The following CHD9 variants were observed in gnomAD, a reference collection of about 807,000 sequenced individuals.
CHD9 encodes the protein ATP-dependent chromatin remodeler CHD9.
Under a neutral mutation model 316.1 loss-of-function variants are expected in CHD9, and 77 were observed. The observed-to-expected ratio is 0.24, with a 90% CI of 0.20 to 0.29. The LOEUF is 0.29. Among genes scored for constraint, CHD9 ranks in the 10% least tolerant of loss-of-function variants. The pLI is 1.00. For synonymous variants in CHD9, 1,129 were observed against 1,158.3 expected (o/e 0.97, Z 0.51); for missense variants, 2,763 against 3,438.1 (o/e 0.80, Z 4.91).
chr16:53,066,880 C>CA (rs943018440), intron 1 of CHD9, among the ~76,000 whole-genome samples: 5 of 151,126 alleles, frequency 3.3e-5, no homozygotes, highest in East Asian at 1.9e-4. Flanking sequence ...TTTAGATTTA[C>CA]AAAAAAAAAT....
chr16:53,069,845 T>A (rs960896038), intron 1 of CHD9, among the ~76,000 whole-genome samples: 5 of 152,202 alleles, frequency 3.3e-5, no homozygotes, highest in Admixed American at 1.3e-4. Context: ...CCATTTTACA[T>A]CCCACCAACA....
chr16:53,300,145 A>T (rs2055222677), intron 30 of CHD9, among the ~76,000 whole-genome samples: 1 of 152,148 alleles, frequency 6.6e-6, no homozygotes, highest in South Asian at 2.1e-4. Flanking sequence ...CAAGGTCAGG[A>T]GTTCGAGACC....
At chr16:53,167,490 C>T (rs1215264790) in intron 2 of CHD9, among the ~76,000 whole-genome samples, 2 of 152,006 alleles carry the variant, frequency 1.3e-5, no homozygotes, top group Non-Finnish European at 2.9e-5. Context: ...GATTCATTTC[C>T]AGTTGACAGT....
intron 1 of CHD9, among the ~76,000 whole-genome samples, chr16:53,148,497 T>G (rs2040824924): frequency 6.6e-6 from 1 of 152,234 alleles, no homozygotes; most frequent in African/African-American, 2.4e-5. Context: ...TCCAATTTCT[T>G]CACATCTTCT....
chr16:53,065,193 T>C (rs146020340), intron 1 of CHD9, among the ~76,000 whole-genome samples: 238 of 152,280 alleles, frequency 1.6e-3, no homozygotes, highest in African/African-American at 5.3e-3. Context: ...ACCTAAGATA[T>C]TTGTACCCTC....
rs2041512344 is a variant in CHD9, at chr16:53,156,231, T to C, written c.142T>C (p.Leu48=). The stretch of plus-strand genomic sequence containing the variant: ...GAATTTGGGTGCAGAATTTGAACCG[T>C]TGCACATAGATTCACTGAACCATGT... ...ELNLGAEFEP[L]HIDSLNHVQG... The change falls in exon 2 of 39, where the codon TTG becomes CTG. Residue 48 remains leucine, a synonymous_variant. Coordinates refer to ENST00000447540, the MANE Select transcript of CHD9 (RefSeq NM_001308319.2). The C allele has an allele frequency of 6.2e-7, 1 of 1,613,994 alleles. No homozygotes were observed. The highest frequency in any genetic ancestry group is 8.5e-7 in the Non-Finnish European group (1 of 1,179,884).
At chr16:53,116,459 G>A (rs1597038784) in intron 1 of CHD9, among the ~76,000 whole-genome samples, 1 of 152,224 alleles carries the variant, frequency 6.6e-6, no homozygotes, top group East Asian at 1.9e-4. Flanking sequence ...CCAGGAGCCA[G>A]GATAAGGTGT....
At chr16:53,174,825 G>T (rs1034661879) in intron 2 of CHD9, among the ~76,000 whole-genome samples, 5 of 152,076 alleles carry the variant, frequency 3.3e-5, no homozygotes, top group Admixed American at 3.3e-4. Context: ...GCCCGGGCTT[G>T]TTTTGAACTC....
intron 1 of CHD9, among the ~76,000 whole-genome samples, chr16:53,154,731 A>G (rs1011584577): frequency 1.3e-5 from 2 of 152,206 alleles, no homozygotes; most frequent in African/African-American, 2.4e-5. Flanking sequence ...GAGCTCAGGC[A>G]GTAATGCTGG....
chr16:53,143,401 T>C (rs1368532484), intron 1 of CHD9, among the ~76,000 whole-genome samples: 1 of 144,412 alleles, frequency 6.9e-6, no homozygotes. Context: ...TTTATTTATT[T>C]ATCTGAGGCA....
chr16:53,306,558 A>G (rs986022079), intron 32 of CHD9, among the ~76,000 whole-genome samples, 161 bp downstream of exon 32: 4 of 152,214 alleles, frequency 2.6e-5, no homozygotes, highest in Admixed American at 6.5e-5. Context: ...TATCAAGTAA[A>G]TAGTTCTGCT....
Position 53,226,400 on chromosome 16 carries a change from A to G in CHD9, c.1931A>G (p.Lys644Arg), listed in dbSNP as rs760246838. The G allele has an allele frequency of 6.3e-7, 1 of 1,580,884 alleles. No homozygotes were observed. Among genetic ancestry groups the G allele is most frequent in the Admixed American group, 1.9e-5 (1 of 51,310 alleles). ...TCAAATCGACAAATTAAAAGAAAAA[A>G]ATACGCAGAAGATATAGAAGGGAAG... ...RRSNRQIKRK[K>R]YAEDIEGKQS... The change falls in exon 5 of 39, where the codon AAA becomes AGA. Residue 644 changes from lysine (K) to arginine (R), a missense_variant. By Grantham distance (26) the Lys-to-Arg change is conservative. Around this residue, in one of 15 missense-constraint regions of CHD9, gnomAD observed 859 missense variants for 890.4 expected, o/e 0.96. Coordinates refer to ENST00000447540, the MANE Select transcript of CHD9 (RefSeq NM_001308319.2).
chr16:53,292,286 A>G (rs1367604562), intron 28 of CHD9, among the ~76,000 whole-genome samples: 2 of 152,346 alleles, frequency 1.3e-5, no homozygotes, highest in Middle Eastern at 3.4e-3. Context: ...TTTAGTATGA[A>G]TGACTACAGC....
At chr16:53,109,673 G>GTTT (rs1472499524) in intron 1 of CHD9, among the ~76,000 whole-genome samples, 5 of 82,966 alleles carry the variant, frequency 6.0e-5, no homozygotes, top group African/African-American at 1.5e-4. Context: ...TGGATTCCCA[G>GTTT]TTTCTTTTTT....
intron 30 of CHD9, chr16:53,299,641 G>A: frequency 2.7e-6 from 1 of 366,186 alleles, no homozygotes. Context: ...TTCCTTTTGA[G>A]TGACATTTCA....
At chr16:53,131,269 A>T (rs915865353) in intron 1 of CHD9, 3 of 140,368 alleles carry the variant, frequency 2.1e-5, no homozygotes, top group Admixed American at 7.4e-5. Context: ...CGCCTCAGTC[A>T]TGGCGAAGCG....
At chr16:53,108,364 G>A (rs1347959735) in intron 1 of CHD9, among the ~76,000 whole-genome samples, 2 of 151,884 alleles carry the variant, frequency 1.3e-5, no homozygotes, top group East Asian at 3.9e-4. Flanking sequence ...ATTTAGCCAG[G>A]TGCGGTGGTG....
chr16:53,168,072 A>AT (rs2042397361), intron 2 of CHD9, among the ~76,000 whole-genome samples: 1 of 151,750 alleles, frequency 6.6e-6, no homozygotes. Context: ...TTATTTATTT[A>AT]TTTTTTTGAG....
intron 20 of CHD9, among the ~76,000 whole-genome samples, chr16:53,266,832 G>A (rs981255021): frequency 5.9e-5 from 9 of 152,128 alleles, no homozygotes; most frequent in African/African-American, 7.2e-5. Flanking sequence ...TTTGGAAAGC[G>A]CTGTAAAATA....
Sources: allele counts gnomAD v4.1 joint callset (sites outside exome capture counted in the v4.1 genomes callset), GRCh38; gene constraint gnomAD v4.1.1; regional missense constraint gnomAD v4.1.1; transcripts MANE v1.5; gene names NCBI Gene and HGNC (gene_info 2026-07-23, HGNC 2026-07-21).